The following NECAB1 variants were observed in gnomAD, a reference collection of about 807,000 sequenced individuals.
NECAB1 encodes the protein N-terminal EF-hand calcium-binding protein 1.
A neutral mutation model predicts 57.5 loss-of-function variants in NECAB1; 29 were observed. The ratio of observed to expected loss-of-function variants is 0.50; its 90% CI spans 0.38 to 0.69. The LOEUF is 0.69. Ranked by LOEUF, NECAB1 falls within the 30% of genes least tolerant of loss-of-function variation. NECAB1 has a pLI of 0.00. For synonymous variants in NECAB1, 142 were observed against 147.7 expected, an observed-to-expected ratio of 0.96 and a Z score of 0.28; for missense variants, 372 against 413.8, an observed-to-expected ratio of 0.90 and a Z score of 0.88.
At chr8:90,792,039 C>G in intron 1 of NECAB1, 54 bp downstream of exon 1, 1 of 1,423,870 alleles carries the variant, frequency 7.0e-7, no homozygotes, top group Non-Finnish European at 9.7e-7. Context: ...TTTCTTTTCC[C>G]CGAAAGGAAG....
At chr8:90,916,352 G>A (rs1039263914) in intron 5 of NECAB1, among the ~76,000 whole-genome samples, 1 of 152,090 alleles carries the variant, frequency 6.6e-6, no homozygotes, top group African/African-American at 2.4e-5. Context: ...TTTTTGAGTT[G>A]GAATGTATGC....
At chr8:90,878,046 T>A (rs1395152397) in intron 4 of NECAB1, among the ~76,000 whole-genome samples, 2 of 152,038 alleles carry the variant, frequency 1.3e-5, no homozygotes, top group Non-Finnish European at 2.9e-5. Flanking sequence ...TTTTCTTTTT[T>A]TTTTTTCAAA....
At chr8:90,906,891 A>ATTATATATATATGTATGTATG (rs1554574081) in intron 5 of NECAB1, among the ~76,000 whole-genome samples, 5 of 113,414 alleles carry the variant, frequency 4.4e-5, no homozygotes, top group African/African-American at 1.6e-4. Flanking sequence ...ATATATATAT[A>ATTATATATATATGTATGTATG]TATATATATA....
chr8:90,814,030 G>T (rs1812016675), intron 2 of NECAB1, among the ~76,000 whole-genome samples: 1 of 152,084 alleles, frequency 6.6e-6, no homozygotes, highest in Non-Finnish European at 1.5e-5. Flanking sequence ...TTCTTTTTCT[G>T]TTCCAAGATC....
At chr8:90,917,961 C>CACAT (rs1554575491) in intron 6 of NECAB1, among the ~76,000 whole-genome samples, 1 of 38,266 alleles carries the variant, frequency 2.6e-5, no homozygotes, top group Non-Finnish European at 3.7e-5. Flanking sequence ...TACACACACA[C>CACAT]ATATGTGTGT....
chr8:90,803,916 C>G (rs942992282), intron 2 of NECAB1, among the ~76,000 whole-genome samples: 18 of 152,314 alleles, frequency 1.2e-4, no homozygotes, highest in Middle Eastern at 3.4e-3. Context: ...TCCCCCAGTT[C>G]CCTTGACAGG....
At chr8:90,864,403 G>T (rs1172632089) in intron 3 of NECAB1, among the ~76,000 whole-genome samples, 2 of 151,872 alleles carry the variant, frequency 1.3e-5, no homozygotes, top group Non-Finnish European at 1.5e-5. Flanking sequence ...AAACTACTCA[G>T]CAACAAACAC....
intron 2 of NECAB1, among the ~76,000 whole-genome samples, chr8:90,803,861 C>T (rs1050354597): frequency 2.0e-5 from 3 of 152,200 alleles, no homozygotes; most frequent in African/African-American, 7.2e-5. Context: ...AGAACACTCA[C>T]GCTTTGCTTA....
intron 5 of NECAB1, among the ~76,000 whole-genome samples, chr8:90,907,901 T>G (rs1809731457): frequency 6.6e-6 from 1 of 152,214 alleles, no homozygotes; most frequent in South Asian, 2.1e-4. Context: ...TGTGTCAGTT[T>G]TCACATATTT....
intron 5 of NECAB1, among the ~76,000 whole-genome samples, chr8:90,916,727 A>G (rs1321780983): frequency 6.6e-6 from 1 of 152,164 alleles, no homozygotes; most frequent in African/African-American, 2.4e-5. Context: ...TTAGGGAGAC[A>G]AGCACAGCAG....
intron 1 of NECAB1, among the ~76,000 whole-genome samples, chr8:90,794,541 T>G (rs1177312750): frequency 6.6e-6 from 1 of 152,192 alleles, no homozygotes; most frequent in Non-Finnish European, 1.5e-5. Flanking sequence ...TGATGTAAAC[T>G]GCTACTGAGA....
intron 3 of NECAB1, among the ~76,000 whole-genome samples, chr8:90,830,255 T>G (rs962079019): frequency 5.3e-5 from 8 of 152,052 alleles, no homozygotes; most frequent in Non-Finnish European, 8.8e-5. Context: ...GATCTCCTGC[T>G]TAACATAGCT....
At chr8:90,903,179 A>T (rs1206342624) in intron 5 of NECAB1, among the ~76,000 whole-genome samples, 1 of 152,046 alleles carries the variant, frequency 6.6e-6, no homozygotes, top group African/African-American at 2.4e-5. Flanking sequence ...ATATACCATA[A>T]AATTAACCAA....
chr8:90,813,971 C>T (rs1046420427), intron 2 of NECAB1, among the ~76,000 whole-genome samples: 12 of 152,252 alleles, frequency 7.9e-5, no homozygotes, highest in Admixed American at 6.5e-5. Context: ...AATTATTTGT[C>T]TACTAAAGTC....
intron 1 of NECAB1, among the ~76,000 whole-genome samples, chr8:90,794,086 G>A (rs1040950428): frequency 7.2e-5 from 11 of 151,918 alleles, no homozygotes; most frequent in African/African-American, 2.7e-4. Context: ...CTTGTTTGTC[G>A]GTAAAATGCT....
At chr8:90,826,682 G>A (rs1217621176) in intron 3 of NECAB1, among the ~76,000 whole-genome samples, 1 of 151,722 alleles carries the variant, frequency 6.6e-6, no homozygotes, top group African/African-American at 2.4e-5. Context: ...TGGGTGTTAT[G>A]AAGATTTTTA....
chr8:90,857,971 G>A (rs1253546232), intron 3 of NECAB1, among the ~76,000 whole-genome samples: 3 of 152,032 alleles, frequency 2.0e-5, no homozygotes, highest in Non-Finnish European at 2.9e-5. Flanking sequence ...TTTATTTTAA[G>A]CATGAAGCAT....
At chr8:90,939,792 G>A (rs1350608715) in intron 9 of NECAB1, among the ~76,000 whole-genome samples, 2 of 152,144 alleles carry the variant, frequency 1.3e-5, no homozygotes, top group Admixed American at 1.3e-4. Context: ...AATATCATTG[G>A]TATTCAACAA....
intron 3 of NECAB1, among the ~76,000 whole-genome samples, chr8:90,843,279 T>A (rs960424595): frequency 2.0e-5 from 3 of 152,174 alleles, no homozygotes; most frequent in African/African-American, 7.2e-5. Context: ...GAGATTTGGG[T>A]GAGGACACAG....
Sources: gnomAD v4.1 joint callset for allele counts (sites outside exome capture counted in the v4.1 genomes callset) on GRCh38, gnomAD v4.1.1 for gene constraint, MANE v1.5 for transcripts, NCBI Gene and HGNC (gene_info 2026-07-23, HGNC 2026-07-21) for gene names.